Variants in ARL15 observed in about 807,000 individuals in gnomAD.
ARL15 encodes the protein ADP-ribosylation factor-like protein 15.
Under a neutral mutation model 25.2 loss-of-function variants are expected in ARL15, and 19 were observed. That is an observed-to-expected ratio of 0.75 (90% CI 0.53 to 1.10). The LOEUF is 1.10. Among genes scored for constraint, ARL15 ranks in the 50% least tolerant of loss-of-function variants. The probability of loss-of-function intolerance (pLI) is 0.00; values close to 1 mark genes in which losing one functional copy is unlikely to be tolerated. For synonymous variants in ARL15, 94 were observed against 86.8 expected (o/e 1.08, Z -0.46); for missense variants, 220 against 246.0 (o/e 0.89, Z 0.71).
chr5:53,912,200 T>A (rs1561146113), intron 4 of ARL15: 1 of 152,118 alleles, frequency 6.6e-6, no homozygotes, highest in Non-Finnish European at 1.5e-5. Context: ...AAAGTACTAT[T>A]ATTATTCCAT....
intron 1 of ARL15, among the ~76,000 whole-genome samples, chr5:54,292,088 T>C (rs1758349749): frequency 6.6e-6 from 1 of 152,222 alleles, no homozygotes; most frequent in Non-Finnish European, 1.5e-5. Flanking sequence ...CAGGTGGTAG[T>C]ATCTACCTAC....
chr5:54,085,778 C>T (rs1751946316), intron 4 of ARL15, among the ~76,000 whole-genome samples: 1 of 152,088 alleles, frequency 6.6e-6, no homozygotes, highest in Admixed American at 6.5e-5. Flanking sequence ...GGCAGGTTTT[C>T]ACTAGGAGAA....
Position 54,267,079 on chromosome 5 carries a change from G to GTGTTTT in ARL15, c.48+43347_48+43352dup, listed in dbSNP as rs1281807340. ...AGAATCACTCCCTGGGGATGGAGCT[G>GTGTTTT]TGTTTTTGTTTTTGTTTGTTTGTTC... On this transcript the variant is annotated intron_variant, in intron 1 of 4. Coordinates refer to ENST00000504924, the MANE Select transcript of ARL15 (RefSeq NM_019087.3). 3.3e-5 allele frequency among the ~76,000 whole-genome samples: 5 copies of GTGTTTT among 152,258 alleles called. No individual in the cohort carries two copies. In the South Asian group the frequency reaches 8.3e-4, roughly 25 times the overall value.
At chr5:54,278,090 C>G (rs1315972809) in intron 1 of ARL15, among the ~76,000 whole-genome samples, 2 of 152,206 alleles carry the variant, frequency 1.3e-5, no homozygotes, top group African/African-American at 4.8e-5. Flanking sequence ...TCACTGCTCC[C>G]TTAACCTGCT....
At chr5:54,236,554 T>C (rs1032390426) in intron 1 of ARL15, among the ~76,000 whole-genome samples, 11 of 152,274 alleles carry the variant, frequency 7.2e-5, no homozygotes, top group African/African-American at 2.6e-4. Flanking sequence ...TCGTCTGTCA[T>C]TCTAATCTGA....
At chr5:54,245,864 G>A (rs966699575) in intron 1 of ARL15, among the ~76,000 whole-genome samples, 13 of 152,016 alleles carry the variant, frequency 8.6e-5, no homozygotes, top group African/African-American at 2.4e-4. Flanking sequence ...CTGAGATTAC[G>A]GGCACGAGCC....
At chr5:53,889,873 C>T (rs557239266) in intron 4 of ARL15, among the ~76,000 whole-genome samples, 19 of 147,324 alleles carry the variant, frequency 1.3e-4, no homozygotes, top group Non-Finnish European at 2.8e-4. Context: ...AGTGCAATGG[C>T]GCAGTCTCGG....
intron 1 of ARL15, among the ~76,000 whole-genome samples, chr5:54,217,234 A>C (rs537653882): frequency 2.4e-4 from 37 of 151,342 alleles, no homozygotes; most frequent in Non-Finnish European, 4.6e-4. Context: ...AGAAAACACT[A>C]CCAATTTCAC....
intron 1 of ARL15, among the ~76,000 whole-genome samples, chr5:54,218,551 T>G (rs1403362346): frequency 6.6e-6 from 1 of 152,190 alleles, no homozygotes; most frequent in Non-Finnish European, 1.5e-5. Flanking sequence ...CAGGAATCAC[T>G]TTATTTGGGG....
chr5:54,271,206 G>A (rs1458855492), intron 1 of ARL15, among the ~76,000 whole-genome samples: 1 of 152,096 alleles, frequency 6.6e-6, no homozygotes, highest in East Asian at 1.9e-4. Flanking sequence ...GGCCTGTTGT[G>A]GAACTTCTCA....
At chr5:53,980,337 G>A (rs1479268437) in intron 4 of ARL15, among the ~76,000 whole-genome samples, 1 of 152,166 alleles carries the variant, frequency 6.6e-6, no homozygotes, top group Non-Finnish European at 1.5e-5. Flanking sequence ...TATGATTAAG[G>A]TATTAAATTG....
intron 4 of ARL15, among the ~76,000 whole-genome samples, chr5:54,091,292 G>A (rs770015223): frequency 1.3e-5 from 2 of 152,072 alleles, no homozygotes; most frequent in Non-Finnish European, 2.9e-5. Flanking sequence ...TAATATAAAT[G>A]TTTTCATAAC....
intron 1 of ARL15, among the ~76,000 whole-genome samples, chr5:54,234,157 G>A (rs527765531): frequency 5.9e-5 from 9 of 151,998 alleles, no homozygotes; most frequent in East Asian, 1.9e-4. Flanking sequence ...CACCAAGCCC[G>A]GCTAATTTTT....
chr5:54,257,612 A>G (rs1757400907), intron 1 of ARL15, among the ~76,000 whole-genome samples: 1 of 152,252 alleles, frequency 6.6e-6, no homozygotes, highest in Non-Finnish European at 1.5e-5. Flanking sequence ...AAATAAGCAG[A>G]TAAGTTGTAT....
chr5:54,175,203 C>T (rs902153424), intron 1 of ARL15, among the ~76,000 whole-genome samples: 2 of 152,182 alleles, frequency 1.3e-5, no homozygotes, highest in Non-Finnish European at 1.5e-5. Flanking sequence ...AGTAGAAAAA[C>T]TTTGTAGCCA....
At chr5:54,239,628 A>ATT (rs1193191036) in intron 1 of ARL15, among the ~76,000 whole-genome samples, 22 of 152,196 alleles carry the variant, frequency 1.4e-4, no homozygotes, top group African/African-American at 5.3e-4. Flanking sequence ...GTTCTGAAAT[A>ATT]TGAGGACAAA....
chr5:53,979,627 C>T (rs1366141375), intron 4 of ARL15, among the ~76,000 whole-genome samples: 5 of 152,096 alleles, frequency 3.3e-5, no homozygotes, highest in African/African-American at 9.7e-5. Context: ...GCAGAGGTGC[C>T]AGAAGCAGTC....
chr5:54,289,585 A>G (rs763916563), intron 1 of ARL15, among the ~76,000 whole-genome samples: 1 of 152,346 alleles, frequency 6.6e-6, no homozygotes, highest in South Asian at 2.1e-4. Context: ...ACAAATATTT[A>G]TTGAGAAGCA....
intron 4 of ARL15, among the ~76,000 whole-genome samples, chr5:53,925,055 T>C (rs765850232): frequency 4.7e-5 from 6 of 126,728 alleles, no homozygotes; most frequent in Admixed American, 7.7e-5. Flanking sequence ...CTCCCAAGCT[T>C]CAATTTTCAA....
Sources: allele counts gnomAD v4.1 joint callset (sites outside exome capture counted in the v4.1 genomes callset), GRCh38; gene constraint gnomAD v4.1.1; transcripts MANE v1.5; gene names NCBI Gene and HGNC (gene_info 2026-07-23, HGNC 2026-07-21).